PTPRN2: variants seen among roughly 807,000 people sequenced by gnomAD.
The protein encoded by PTPRN2 is receptor-type tyrosine-protein phosphatase N2.
In PTPRN2, 74 loss-of-function variants were observed where a neutral mutation model predicts 118.8. The observed-to-expected ratio is 0.62, with a 90% CI of 0.52 to 0.76. The LOEUF (loss-of-function observed/expected upper bound fraction) is 0.76, where lower values mean the gene tolerates loss of function less well. Ranked by LOEUF, PTPRN2 falls within the 30% of genes least tolerant of loss-of-function variation. PTPRN2 has a pLI of 0.00. For synonymous variants in PTPRN2, 641 were observed against 608.0 expected (o/e 1.05, Z -0.80); for missense variants, 1,481 against 1,394.4 (o/e 1.06, Z -0.99).
At chr7:157,858,311 GT>G (rs1563179575) in intron 12 of PTPRN2, among the ~76,000 whole-genome samples, 1 of 1,928 alleles carries the variant, frequency 5.2e-4, no homozygotes, top group Non-Finnish European at 8.3e-4. Context: ...TGCAGGGAGA[GT>G]CCCCCAGCCA....
At chr7:157,727,716 T>C (rs1171118682) in intron 12 of PTPRN2, among the ~76,000 whole-genome samples, 1 of 152,216 alleles carries the variant, frequency 6.6e-6, no homozygotes, top group Admixed American at 6.5e-5. Context: ...TATGAGATTC[T>C]GTATTACTGA....
At chr7:158,381,664 C>G (rs889460772) in intron 2 of PTPRN2, among the ~76,000 whole-genome samples, 1 of 152,164 alleles carries the variant, frequency 6.6e-6, no homozygotes, top group South Asian at 2.1e-4. Flanking sequence ...TGGTTATCTA[C>G]AGCAGTGCCC....
chr7:158,557,085 G>A (rs1186967278), intron 1 of PTPRN2, among the ~76,000 whole-genome samples: 22 of 125,162 alleles, frequency 1.8e-4, no homozygotes, highest in Admixed American at 1.3e-3. Flanking sequence ...CAGGTCAGGC[G>A]GCTCCTGTGC....
At chr7:158,587,185 AC>A (rs1343717418) in intron 1 of PTPRN2, among the ~76,000 whole-genome samples, 2 of 60,882 alleles carry the variant, frequency 3.3e-5, no homozygotes, top group Non-Finnish European at 6.5e-5. Flanking sequence ...CCTCCCCTAA[AC>A]CCCCCACTCA....
In PTPRN2 at chr7:157,759,199, G is replaced by A. The variant is rs977123117; in HGVS notation, c.1789-76262C>T. ...GCATCGGTGCCTGGGCGCCGTGGGCGCAGGCGGTCGGCATTGTTACTTAGG... is the reference window on the plus strand; with the variant it reads ...GCATCGGTGCCTGGGCGCCGTGGGCACAGGCGGTCGGCATTGTTACTTAGG... On this transcript the variant is annotated intron_variant, in intron 12 of 22. Transcript: ENST00000389418. 3.9e-5 allele frequency among the ~76,000 whole-genome samples: 6 copies of A among 152,368 alleles called. No individual in the cohort carries two copies. In the East Asian group the frequency reaches 5.8e-4, roughly 15 times the overall value.
At chr7:157,679,663 GC>G (rs1796826074) in intron 13 of PTPRN2, among the ~76,000 whole-genome samples, 1 of 152,146 alleles carries the variant, frequency 6.6e-6, no homozygotes, top group Admixed American at 6.5e-5. Context: ...CACAACGTGG[GC>G]CCCCTGTGGT....
At chr7:158,033,084 G>C (rs1807804840) in intron 11 of PTPRN2, among the ~76,000 whole-genome samples, 1 of 152,104 alleles carries the variant, frequency 6.6e-6, no homozygotes, top group Admixed American at 6.5e-5. Flanking sequence ...ATTTGCTCTG[G>C]AGTCAGAATG....
chr7:158,260,632 G>A (rs149226873), intron 3 of PTPRN2, among the ~76,000 whole-genome samples: 212 of 152,310 alleles, frequency 1.4e-3, no homozygotes, highest in African/African-American at 4.9e-3. Flanking sequence ...TGATAGTAAG[G>A]TTAAAATCCC....
At chr7:158,327,032 C>G (rs1366648954) in intron 2 of PTPRN2, among the ~76,000 whole-genome samples, 1 of 151,990 alleles carries the variant, frequency 6.6e-6, no homozygotes, top group Admixed American at 6.6e-5. Flanking sequence ...TACACATTCT[C>G]ACACATGCAC....
intron 12 of PTPRN2, among the ~76,000 whole-genome samples, chr7:157,781,796 C>G (rs1054405015): frequency 2.0e-5 from 3 of 152,220 alleles, no homozygotes; most frequent in African/African-American, 7.2e-5. Context: ...CCTGCCCCAG[C>G]CTCCCAGCCA....
intron 3 of PTPRN2, among the ~76,000 whole-genome samples, chr7:158,262,884 TACA>T (rs1797585155): frequency 1.2e-5 from 1 of 85,776 alleles, no homozygotes. Context: ...TGCACACACA[TACA>T]TTCACACACA....
At chr7:157,653,642 T>C (rs1379863815) in intron 14 of PTPRN2, among the ~76,000 whole-genome samples, 1 of 152,094 alleles carries the variant, frequency 6.6e-6, no homozygotes, top group Non-Finnish European at 1.5e-5. Context: ...ACCAGGGACA[T>C]GCCCACCAGG....
chr7:157,988,790 T>C (rs1585149785), intron 11 of PTPRN2, among the ~76,000 whole-genome samples: 1 of 152,216 alleles, frequency 6.6e-6, no homozygotes, highest in East Asian at 1.9e-4. Flanking sequence ...AGAATGTCAG[T>C]GCTGGGCTGC....
chr7:157,669,691 T>C (rs1256117296), intron 13 of PTPRN2: 1 of 369,676 alleles, frequency 2.7e-6, no homozygotes, highest in Admixed American at 3.4e-5. Context: ...TATAGACATG[T>C]TTCATGTAAG....
chr7:157,766,750 G>A (rs1258261266), intron 12 of PTPRN2, among the ~76,000 whole-genome samples: 2 of 152,236 alleles, frequency 1.3e-5, no homozygotes, highest in South Asian at 2.1e-4. Context: ...TTTCTTGGAG[G>A]ACAGGACATT....
chr7:158,325,520 A>G (rs866694512), intron 2 of PTPRN2, among the ~76,000 whole-genome samples: 2 of 152,250 alleles, frequency 1.3e-5, no homozygotes, highest in South Asian at 4.1e-4. Context: ...CTATTCAATC[A>G]TTTGTGTAAA....
At position 157,977,538 on chromosome 7, in the gene PTPRN2, G is replaced by A. The variant is rs774588706; in HGVS notation, c.1724-78801C>T. ...CAAGGCCCCAGGTGGGATGACGTGAGTGTGTTCATGGAGTAGTGTACAAGG... is the reference window on the plus strand; with the variant it reads ...CAAGGCCCCAGGTGGGATGACGTGAATGTGTTCATGGAGTAGTGTACAAGG... On this transcript the variant is annotated intron_variant, in intron 11 of 22. Coordinates refer to ENST00000389418, the MANE Select transcript of PTPRN2 (RefSeq NM_002847.5). The surrounding 1 kb of genome is among the most constrained non-coding windows in gnomAD (Gnocchi z 4.6). Among the ~76,000 whole-genome samples the A allele has an allele frequency of 6.6e-5, 10 of 151,816 alleles. No homozygotes were observed. Among genetic ancestry groups the A allele is most frequent in the Non-Finnish European group, 1.2e-4 (8 of 67,916 alleles).
chr7:158,446,906 C>T (rs187124084), intron 2 of PTPRN2, among the ~76,000 whole-genome samples: 68 of 152,230 alleles, frequency 4.5e-4, no homozygotes, highest in Non-Finnish European at 1.8e-4. Context: ...AGCCTCCTAG[C>T]TCCTGTTCCC....
At chr7:158,138,545 T>C (rs776768508) in intron 6 of PTPRN2, 30 bp from the exon 7 acceptor site, 15 of 1,594,224 alleles carry the variant, frequency 9.4e-6, no homozygotes, top group Admixed American at 3.3e-5. Flanking sequence ...CACAAGGACG[T>C]TGTGGGTGGA....
Sources: allele counts gnomAD v4.1 joint callset (sites outside exome capture counted in the v4.1 genomes callset), GRCh38; gene constraint gnomAD v4.1.1; non-coding constraint Gnocchi (gnomAD v3.1); transcripts MANE v1.5; gene names NCBI Gene and HGNC (gene_info 2026-07-23, HGNC 2026-07-21).